Variants in SEC61G observed in about 807,000 individuals in gnomAD.
The protein encoded by SEC61G is SEC61 translocon subunit gamma.
Under a neutral mutation model 7.5 loss-of-function variants are expected in SEC61G, and 4 were observed. That is an observed-to-expected ratio of 0.54 (90% CI 0.26 to 1.22). The LOEUF (loss-of-function observed/expected upper bound fraction) is 1.22. SEC61G is among the 50% of genes most tolerant of loss of function. SEC61G has a pLI of 0.12. For synonymous variants in SEC61G, 24 were observed against 24.4 expected, an observed-to-expected ratio of 0.98 and a Z score of 0.05; for missense variants, 53 against 84.6, an observed-to-expected ratio of 0.63 and a Z score of 1.46.
rs555983860 is a variant in SEC61G, at chr7:54,752,597, C to G, written c.198-177G>C. Among the ~76,000 whole-genome samples, 3 of 152,308 alleles carry G rather than the reference C, an allele frequency of 2.0e-5. No homozygotes were observed. The South Asian group carries it at 6.2e-4, about 32-fold the overall frequency. On this transcript the variant is annotated intron_variant, in intron 3 of 3. Transcript: ENST00000352861. ...CACAATGAACTTTAAAATCCTGGAC[C>G]TGAAAAGATGATGTGGCTACTGGAA...
intron 1 of SEC61G, 41 bp from the exon 2 acceptor site, chr7:54,757,635 A>C: frequency 1.3e-5 from 20 of 1,509,394 alleles, no homozygotes; most frequent in Non-Finnish European, 1.7e-5. Flanking sequence ...ATTGGTTCTC[A>C]TACAATAAGC....
chr7:54,757,525 C>CAA lies in SEC61G; in HGVS notation c.63_64insTT (p.Val22LeufsTer22). 1 of 1,614,054 alleles carries CAA rather than the reference C, an allele frequency of 6.2e-7. No individual in the cohort carries two copies. The highest frequency in any genetic ancestry group is 8.5e-7 in the Non-Finnish European group (1 of 1,179,938). ...CTATCAGGTTTAGTGCATCTTTTAA[C>CAA]CAGCCGAATGGAGTCCTTTACAAAC... On this transcript the variant is annotated frameshift_variant, in exon 2 of 4. Coordinates refer to ENST00000352861, the MANE Select transcript of SEC61G (RefSeq NM_014302.4). LOFTEE classifies it high-confidence loss of function.
At chr7:54,756,685 G>A (rs1013499077) in intron 2 of SEC61G, among the ~76,000 whole-genome samples, 2 of 152,014 alleles carry the variant, frequency 1.3e-5, no homozygotes, top group Admixed American at 6.6e-5. Flanking sequence ...CATTACACTG[G>A]TAATGTTGTC....
Position 54,756,902 on chromosome 7 carries a change from A to G in SEC61G, c.94+593T>C, listed in dbSNP as rs189054358. ...GACAGCAAGGACTATTCTCTTTACTATAATATATACATGTTATATACTATA... is the reference window on the plus strand; with the variant it reads ...GACAGCAAGGACTATTCTCTTTACTGTAATATATACATGTTATATACTATA... On this transcript the variant is annotated intron_variant, in intron 2 of 3. Coordinates refer to ENST00000352861, the MANE Select transcript of SEC61G (RefSeq NM_014302.4). Among the ~76,000 whole-genome samples, 1,150 of 148,592 alleles carry G rather than the reference A, an allele frequency of 7.7e-3. 12 individuals are homozygous for G. The highest frequency in any genetic ancestry group is 0.021 in the Middle Eastern group (6 of 280).
intron 3 of SEC61G, among the ~76,000 whole-genome samples, chr7:54,753,407 C>G (rs999390622): frequency 2.0e-5 from 3 of 151,978 alleles, no homozygotes; most frequent in Non-Finnish European, 4.4e-5. Flanking sequence ...CCAGCAAGTG[C>G]CTATTTTAAA....
intron 1 of SEC61G, among the ~76,000 whole-genome samples, chr7:54,758,259 T>C (rs1161104674): frequency 6.6e-6 from 1 of 152,230 alleles, no homozygotes; most frequent in Admixed American, 6.5e-5. Flanking sequence ...GGCTATATAT[T>C]TTACCATACA....
intron 3 of SEC61G, among the ~76,000 whole-genome samples, chr7:54,752,646 T>C (rs879291676): frequency 8.5e-5 from 13 of 152,230 alleles, no homozygotes; most frequent in Admixed American, 7.8e-4. Context: ...AAACTCACAA[T>C]GCTCATTCAG....
intron 2 of SEC61G, among the ~76,000 whole-genome samples, chr7:54,756,618 A>T (rs1181587858): frequency 6.6e-6 from 1 of 152,222 alleles, no homozygotes; most frequent in Admixed American, 6.5e-5. Context: ...GCGTCACTGC[A>T]CTTCAGCCTG....
rs562765673 is a variant in SEC61G at position 54,756,019 on chromosome 7, G to A, written c.95-138C>T. The A allele has an allele frequency of 3.2e-5, 15 of 462,596 alleles. No homozygotes were observed. In the South Asian group the frequency reaches 7.0e-4, roughly 21 times the overall value. The allele number at this position is 462,596 out of a possible 1,614,324, so 28.7% of individuals were successfully genotyped here. A position where few individuals can be genotyped will look rare whatever the true frequency, so the allele number is the denominator to read the frequency against. On this transcript the variant is annotated intron_variant, in intron 2 of 3. Transcript: ENST00000352861. The stretch of plus-strand genomic sequence containing the variant: ...AGATATATAATTTAAAAATAAAAAG[G>A]TGAGACTATTAACAGTAAACAAGTT...
At position 54,755,886 on chromosome 7, in the gene SEC61G, A is replaced by G. The variant is rs989776761; in HGVS notation, c.95-5T>C. On this transcript the variant is annotated splice_region_variant and splice_polypyrimidine_tract_variant and intron_variant, in intron 2 of 3. Coordinates refer to ENST00000352861, the MANE Select transcript of SEC61G (RefSeq NM_014302.4). ...CCATGGCAATCTTCTGGAATTCTGCATTTAAAAACAGGAAATTCACATATT... is the reference window on the plus strand; with the variant it reads ...CCATGGCAATCTTCTGGAATTCTGCGTTTAAAAACAGGAAATTCACATATT... 3.2e-6 allele frequency: 5 copies of G among 1,554,578 alleles called. No homozygotes were observed. The highest frequency in any genetic ancestry group is 1.7e-4 in the Middle Eastern group (1 of 5,874).
At chr7:54,757,742 C>T (rs1791548668) in intron 1 of SEC61G, 148 bp from the exon 2 acceptor site, 2 of 577,004 alleles carry the variant, frequency 3.5e-6, no homozygotes. Context: ...AAAAAACAAA[C>T]TCCAAAGCCT....
In SEC61G at chr7:54,757,038, T is replaced by C. The variant is rs150478936; in HGVS notation, c.94+457A>G. Among the ~76,000 whole-genome samples the C allele has an allele frequency of 2.1e-3, 311 of 149,510 alleles. 1 individual carries two copies. Among genetic ancestry groups the C allele is most frequent in the African/African-American group, 7.3e-3 (297 of 40,954 alleles). On this transcript the variant is annotated intron_variant, in intron 2 of 3. Coordinates refer to ENST00000352861, the MANE Select transcript of SEC61G (RefSeq NM_014302.4). ...TATATACATGTTATATTCTCTATTA[T>C]ATTACCAGCTCCTAACTCAATGAAT...
In SEC61G at chr7:54,757,531, G is replaced by A. The variant is rs761334842; in HGVS notation, c.58C>T (p.Arg20Trp). ...PSRQFVKDSI[R>W]LVKRCTKPDR... ...GGTTTAGTGCATCTTTTAACCAGCC[G>A]AATGGAGTCCTTTACAAACTGCCGA... Residue 20 changes from arginine to tryptophan, a missense_variant, in exon 2 of 4, where the codon CGG becomes TGG. By Grantham distance (101) the Arg-to-Trp change is moderately radical. Transcript: ENST00000352861. 1 of 1,613,954 alleles carries A rather than the reference G, an allele frequency of 6.2e-7. No individual in the cohort carries two copies. Among genetic ancestry groups the A allele is most frequent in the Non-Finnish European group, 8.5e-7 (1 of 1,179,918 alleles).
intron 2 of SEC61G, 125 bp downstream of exon 2, chr7:54,757,370 G>A (rs1405534159): frequency 8.3e-6 from 6 of 719,984 alleles, no homozygotes; most frequent in Admixed American, 5.3e-5. Context: ...AAAAGCTGTC[G>A]CGCAGGATCA....
intron 3 of SEC61G, among the ~76,000 whole-genome samples, chr7:54,753,281 A>C (rs1010820354): frequency 2.6e-5 from 4 of 152,180 alleles, no homozygotes; most frequent in African/African-American, 9.6e-5. Flanking sequence ...AAACAGAGCA[A>C]GACTCCATCT....
At chr7:54,756,106 T>C (rs993521922) in intron 2 of SEC61G, among the ~76,000 whole-genome samples, 1 of 152,244 alleles carries the variant, frequency 6.6e-6, no homozygotes, top group African/African-American at 2.4e-5. Flanking sequence ...TAATAATGCA[T>C]ATCTGTCCTA....
At chr7:54,759,009 C>T (rs546423439) in intron 1 of SEC61G, 149 bp downstream of exon 1, 2 of 349,912 alleles carry the variant, frequency 5.7e-6, no homozygotes, top group East Asian at 8.7e-5. Flanking sequence ...GGCGGCCAGA[C>T]CCCGGCCCTG....
At chr7:54,756,856 TG>T (rs1477420878) in intron 2 of SEC61G, among the ~76,000 whole-genome samples, 2 of 151,044 alleles carry the variant, frequency 1.3e-5, no homozygotes, top group East Asian at 3.9e-4. Flanking sequence ...CAGTCTTCCT[TG>T]GTAAGAGTCT....
In SEC61G at chr7:54,752,384, G is replaced by A; in HGVS notation, c.*27C>T. On this transcript the variant is annotated 3_prime_UTR_variant, in exon 4 of 4. Coordinates refer to ENST00000352861, the MANE Select transcript of SEC61G (RefSeq NM_014302.4). ...CTCACACTTGTTCACCAATCTCTAA[G>A]ATGAAAAACTCTCTTCCAAAATGTA... 4 of 1,519,440 alleles carry A rather than the reference G, an allele frequency of 2.6e-6. No homozygotes were observed. The highest frequency in any genetic ancestry group is 1.4e-5 in the African/African-American group (1 of 71,674). 94.1% of individuals were successfully genotyped at this position (1,519,440 alleles called of 1,614,324 possible).
Sources: allele counts gnomAD v4.1 joint callset (sites outside exome capture counted in the v4.1 genomes callset), GRCh38; gene constraint gnomAD v4.1.1; transcripts MANE v1.5; gene names NCBI Gene and HGNC (gene_info 2026-07-23, HGNC 2026-07-21).